TRIP11: variants seen among roughly 807,000 people sequenced by gnomAD.
The protein encoded by TRIP11 is thyroid receptor-interacting protein 11.
Under a neutral mutation model 223.1 loss-of-function variants are expected in TRIP11, and 148 were observed. That is an observed-to-expected ratio of 0.66 (90% CI 0.58 to 0.76). TRIP11 has a LOEUF of 0.76. Among genes scored for constraint, TRIP11 ranks in the 30% least tolerant of loss-of-function variants. The pLI is 0.00. For synonymous variants in TRIP11, 762 were observed against 772.6 expected (o/e 0.99, Z 0.23); for missense variants, 2,043 against 2,222.0 (o/e 0.92, Z 1.62).
intron 7 of TRIP11, among the ~76,000 whole-genome samples, chr14:92,012,433 A>G (rs906183593): frequency 6.6e-6 from 1 of 152,240 alleles, no homozygotes; most frequent in African/African-American, 2.4e-5. Context: ...AGAGCTTACA[A>G]TTCAGAGAGG....
At chr14:91,973,538 C>T (rs998419067) in intron 19 of TRIP11, among the ~76,000 whole-genome samples, 6 of 152,048 alleles carry the variant, frequency 3.9e-5, no homozygotes, top group Non-Finnish European at 7.4e-5. Context: ...AAGGAAAACA[C>T]ACATTAGACA....
chr14:92,021,569 C>T lies in TRIP11; in HGVS notation c.575G>A (p.Arg192Lys). 6.2e-7 allele frequency: 1 copy of T among 1,614,084 alleles called. No homozygotes were observed. Residue 192 changes from arginine (R) to lysine (K), a missense_variant, in exon 4 of 21, where the codon AGG (arginine) becomes AAG (lysine). Arg to Lys is a conservative substitution (Grantham distance 26). Transcript: ENST00000267622. ...ATTTTTATCTACCTGAGCAATATGC[C>T]TCCAATGGCCAACTTCAGACTCAAG... ...SRLESEVGHWRHIAQTSKAQG... is the reference protein window; with the variant it reads ...SRLESEVGHWKHIAQTSKAQG...
At chr14:92,034,701 G>A (rs2057305371) in intron 1 of TRIP11, among the ~76,000 whole-genome samples, 1 of 152,192 alleles carries the variant, frequency 6.6e-6, no homozygotes. Context: ...CTAGGCTGGA[G>A]TATAGTGGTG....
intron 15 of TRIP11, among the ~76,000 whole-genome samples, chr14:91,991,458 T>G (rs577126405): frequency 5.3e-5 from 8 of 152,308 alleles, no homozygotes; most frequent in Non-Finnish European, 1.2e-4. Context: ...TTTGAAAGTC[T>G]GATAATGTCA....
At chr14:92,033,119 G>T in intron 2 of TRIP11, 73 bp downstream of exon 2, 1 of 1,145,400 alleles carries the variant, frequency 8.7e-7, no homozygotes, top group Non-Finnish European at 1.3e-6. Context: ...AAAAAGAAAG[G>T]ATCAAAGTAA....
intron 7 of TRIP11, among the ~76,000 whole-genome samples, chr14:92,013,848 G>A (rs991453882): frequency 2.0e-5 from 3 of 152,120 alleles, no homozygotes; most frequent in Admixed American, 2.0e-4. Context: ...ATCATCATGA[G>A]CATAGAAAAT....
At chr14:92,011,347 C>T (rs1428809648) in intron 8 of TRIP11, among the ~76,000 whole-genome samples, 3 of 151,582 alleles carry the variant, frequency 2.0e-5, no homozygotes, top group African/African-American at 4.8e-5. Flanking sequence ...AAAAATTAGC[C>T]GGGTGTGGTG....
At position 91,995,373 on chromosome 14, in the gene TRIP11, C is replaced by A; in HGVS notation, c.5035G>T (p.Val1679Leu). The change falls in exon 14 of 21, where the codon GTA (valine) becomes TTA (leucine). Residue 1679 changes from valine to leucine, a missense_variant. Coordinates refer to ENST00000267622, the MANE Select transcript of TRIP11 (RefSeq NM_004239.4). ...YALSLANLQMVLEHFQQEEKA... is the reference protein window; with the variant it reads ...YALSLANLQMLLEHFQQEEKA... ...TTACCTTGTTGGAAATGCTCTAGTACCATCTGCAGGTTGGCCAGTGACAGA... is the reference window on the plus strand; with the variant it reads ...TTACCTTGTTGGAAATGCTCTAGTAACATCTGCAGGTTGGCCAGTGACAGA... 2 of 1,613,762 alleles carry A rather than the reference C, an allele frequency of 1.2e-6. No homozygotes were observed. Among genetic ancestry groups the A allele is most frequent in the Non-Finnish European group, 1.7e-6 (2 of 1,179,960 alleles).
intron 16 of TRIP11, among the ~76,000 whole-genome samples, chr14:91,977,895 T>C (rs554328605): frequency 6.6e-6 from 1 of 152,330 alleles, no homozygotes; most frequent in African/African-American, 2.4e-5. Flanking sequence ...CAAAATGTCA[T>C]TCATATAATA....
Position 91,972,669 on chromosome 14 carries a change from T to A in TRIP11, c.5719+48A>T, listed in dbSNP as rs767232721. 73 of 1,564,798 alleles carry A rather than the reference T, an allele frequency of 4.7e-5. 2 individuals carry two copies. In the South Asian group the frequency reaches 8.4e-4, roughly 18 times the overall value. On this transcript the variant is annotated intron_variant, in intron 20 of 20. Coordinates refer to ENST00000267622, the MANE Select transcript of TRIP11 (RefSeq NM_004239.4). ...ATCACTGTGAAACATAATCATACATTAAACATTCAATTTTCAAATTATAGA... is the reference window on the plus strand; with the variant it reads ...ATCACTGTGAAACATAATCATACATAAAACATTCAATTTTCAAATTATAGA...
Position 92,039,534 on chromosome 14 carries a change from C to A in TRIP11, c.139+13G>T. The A allele has an allele frequency of 1.9e-6, 3 of 1,613,370 alleles. No individual in the cohort carries two copies. The highest frequency in any genetic ancestry group is 2.5e-6 in the Non-Finnish European group (3 of 1,179,832). On this transcript the variant is annotated intron_variant, in intron 1 of 20. Coordinates refer to ENST00000267622, the MANE Select transcript of TRIP11 (RefSeq NM_004239.4). ...CTTAGAAAAGCCCTCCCTTCCCTCG[C>A]TCCAGCTGTTACCTTCCACTTCCTC...
At chr14:91,984,874 T>C (rs74073608) in intron 16 of TRIP11, among the ~76,000 whole-genome samples, 1,595 of 152,322 alleles carry the variant, frequency 0.01, 16 homozygotes, top group African/African-American at 0.036. Context: ...ATGTGAAGTC[T>C]TTGGAACTGT....
intron 2 of TRIP11, among the ~76,000 whole-genome samples, chr14:92,027,190 C>T (rs2057200848): frequency 1.3e-5 from 2 of 151,388 alleles, no homozygotes; most frequent in Non-Finnish European, 2.9e-5. Flanking sequence ...TTGTTAGGGT[C>T]AGCCATTTTT....
chr14:91,984,299 A>T (rs1292173674), intron 16 of TRIP11, among the ~76,000 whole-genome samples: 1 of 149,752 alleles, frequency 6.7e-6, no homozygotes, highest in Non-Finnish European at 1.5e-5. Flanking sequence ...CAATTTATCC[A>T]ATCATTTTTT....
intron 2 of TRIP11, among the ~76,000 whole-genome samples, chr14:92,032,411 A>C (rs1338998598): frequency 6.6e-6 from 1 of 151,962 alleles, no homozygotes; most frequent in Non-Finnish European, 1.5e-5. Flanking sequence ...TCGGCTTCCC[A>C]AAGTGCTCAG....
At chr14:91,993,765 TC>T (rs1485489517) in intron 15 of TRIP11, 43 bp downstream of exon 15, 6 of 1,445,298 alleles carry the variant, frequency 4.2e-6, no homozygotes. Flanking sequence ...AAGTAACTGT[TC>T]CATGAATAAT....
intron 2 of TRIP11, among the ~76,000 whole-genome samples, chr14:92,030,970 G>C (rs904014961): frequency 1.5e-5 from 2 of 137,032 alleles, no homozygotes; most frequent in African/African-American, 2.9e-5. Context: ...CAAGAACCAG[G>C]CTGGGCATGT....
chr14:92,011,483 CA>C lies in TRIP11; in HGVS notation c.1227+271del, dbSNP rs200967942. 0.17 allele frequency among the ~76,000 whole-genome samples: 6,955 copies of C among 41,890 alleles called. 32 individuals are homozygous for C. The highest frequency in any genetic ancestry group is 0.28 in the African/African-American group (3,148 of 11,250). The allele number at this position is 41,890 out of a possible 152,430, so 27.5% of individuals were successfully genotyped here. A position where few individuals can be genotyped will look rare whatever the true frequency, so the allele number is the denominator to read the frequency against. On this transcript the variant is annotated intron_variant, in intron 8 of 20. Coordinates refer to ENST00000267622, the MANE Select transcript of TRIP11 (RefSeq NM_004239.4). ...TGGGTGACAGAGCAAGACTCCGTCT[CA>C]AAAAAAAAAAAAAAAAAAAAAAAAA... is the stretch of plus-strand genomic sequence containing the variant.
intron 20 of TRIP11, among the ~76,000 whole-genome samples, chr14:91,971,061 T>C (rs1211821078): frequency 2.6e-5 from 4 of 152,246 alleles, no homozygotes; most frequent in Non-Finnish European, 5.9e-5. Flanking sequence ...TATTTTTCTA[T>C]GAAGTTGGGC....
Sources: gnomAD v4.1 joint callset for allele counts (sites outside exome capture counted in the v4.1 genomes callset) on GRCh38, gnomAD v4.1.1 for gene constraint, MANE v1.5 for transcripts, NCBI Gene and HGNC (gene_info 2026-07-23, HGNC 2026-07-21) for gene names.